Variants in TMEM117 observed in about 807,000 individuals in gnomAD.
TMEM117 encodes the protein transmembrane protein 117.
A neutral mutation model predicts 52.4 loss-of-function variants in TMEM117; 27 were observed. The ratio of observed to expected loss-of-function variants is 0.51; its 90% CI spans 0.38 to 0.71. The LOEUF (loss-of-function observed/expected upper bound fraction) is 0.71. Ranked by LOEUF, TMEM117 falls within the 30% of genes least tolerant of loss-of-function variation. The pLI is 0.00. For missense variants in TMEM117, 556 were observed against 630.5 expected (o/e 0.88, Z 1.26); for synonymous variants, 215 against 206.3 (o/e 1.04, Z -0.36).
intron 2 of TMEM117, among the ~76,000 whole-genome samples, chr12:43,879,394 C>T (rs1309090928): frequency 1.3e-5 from 2 of 152,204 alleles, no homozygotes; most frequent in Non-Finnish European, 2.9e-5. Flanking sequence ...ATATGCAACT[C>T]CATTGCTCCC....
chr12:44,240,990 C>G (rs1303081718), intron 5 of TMEM117, among the ~76,000 whole-genome samples: 2 of 151,878 alleles, frequency 1.3e-5, no homozygotes, highest in Non-Finnish European at 2.9e-5. Flanking sequence ...AGAGTCTTCC[C>G]TTGTTATCCG....
At chr12:44,035,842 A>C (rs1387124288) in intron 3 of TMEM117, among the ~76,000 whole-genome samples, 1 of 152,206 alleles carries the variant, frequency 6.6e-6, no homozygotes, top group Non-Finnish European at 1.5e-5. Flanking sequence ...CATTTGATTC[A>C]AGATGAAAAT....
intron 3 of TMEM117, among the ~76,000 whole-genome samples, chr12:44,120,190 T>C (rs1283278624): frequency 6.6e-6 from 1 of 152,058 alleles, no homozygotes; most frequent in South Asian, 2.1e-4. Flanking sequence ...TTTAGCTAAG[T>C]TGACAAAAAA....
intron 2 of TMEM117, among the ~76,000 whole-genome samples, chr12:43,897,760 C>A (rs528482231): frequency 8.1e-5 from 11 of 135,418 alleles, no homozygotes; most frequent in African/African-American, 2.9e-4. Context: ...GCGCGTGCCA[C>A]CATGCCCAGC....
intron 3 of TMEM117, among the ~76,000 whole-genome samples, chr12:44,002,807 C>T (rs1382030838): frequency 2.7e-5 from 4 of 148,328 alleles, no homozygotes; most frequent in Non-Finnish European, 5.9e-5. Context: ...GCAGCATGGA[C>T]GGAGAAGAGG....
chr12:44,292,095 C>T (rs1950712291), intron 5 of TMEM117, among the ~76,000 whole-genome samples: 1 of 151,860 alleles, frequency 6.6e-6, no homozygotes, highest in African/African-American at 2.4e-5. Context: ...ATATAATTCA[C>T]TTGTGAAGCT....
chr12:44,002,116 C>T (rs910296970), intron 3 of TMEM117, among the ~76,000 whole-genome samples: 2 of 152,118 alleles, frequency 1.3e-5, no homozygotes, highest in Non-Finnish European at 2.9e-5. Flanking sequence ...AGAGGAACAA[C>T]AACAAAAAGC....
At chr12:44,302,994 C>A (rs1950859824) in intron 6 of TMEM117, among the ~76,000 whole-genome samples, 1 of 151,778 alleles carries the variant, frequency 6.6e-6, no homozygotes, top group African/African-American at 2.4e-5. Context: ...GCAGTCGATC[C>A]TAGGTTCTCT....
intron 3 of TMEM117, among the ~76,000 whole-genome samples, chr12:44,071,773 A>G (rs1947306122): frequency 1.3e-5 from 2 of 152,194 alleles, no homozygotes; most frequent in African/African-American, 4.8e-5. Context: ...TGTATCCTAT[A>G]AATGGCATGT....
At chr12:44,071,378 G>A (rs1205019095) in intron 3 of TMEM117, among the ~76,000 whole-genome samples, 1 of 152,056 alleles carries the variant, frequency 6.6e-6, no homozygotes, top group Non-Finnish European at 1.5e-5. Context: ...ATGACCTAAG[G>A]CTCCAAAATG....
Position 44,045,319 on chromosome 12 carries a change from C to T in TMEM117, c.411-98206C>T, listed in dbSNP as rs191479291. On this transcript the variant is annotated intron_variant, in intron 3 of 7. Transcript: ENST00000266534. The stretch of plus-strand genomic sequence containing the variant: ...GAGCCCTTGATATGGCACCATTCTT[C>T]GGGGTGATCAGCCAGCTAGTTACCT... 6.7e-3 allele frequency among the ~76,000 whole-genome samples: 1,013 copies of T among 152,258 alleles called. 11 individuals carry two copies. The highest frequency in any genetic ancestry group is 0.023 in the African/African-American group (942 of 41,548).
At chr12:44,352,551 T>C (rs1373338543) in intron 6 of TMEM117, among the ~76,000 whole-genome samples, 4 of 152,054 alleles carry the variant, frequency 2.6e-5, no homozygotes, top group Non-Finnish European at 5.9e-5. Context: ...CAGTGTTTGG[T>C]TTTTTGTCCC....
At chr12:44,105,305 T>C (rs73288033) in intron 3 of TMEM117, among the ~76,000 whole-genome samples, 11,805 of 152,062 alleles carry the variant, frequency 0.078, 1,390 homozygotes, top group African/African-American at 0.26. Flanking sequence ...CTGGTTTTGA[T>C]CTCTAGAATT....
At chr12:44,251,833 G>A (rs1305550064) in intron 5 of TMEM117, among the ~76,000 whole-genome samples, 1 of 152,108 alleles carries the variant, frequency 6.6e-6, no homozygotes, top group Non-Finnish European at 1.5e-5. Context: ...AAAACATTCA[G>A]CATTAGCTTC....
At chr12:43,971,474 G>A (rs144714507) in intron 3 of TMEM117, among the ~76,000 whole-genome samples, 46 of 152,256 alleles carry the variant, frequency 3.0e-4, no homozygotes, top group Admixed American at 4.6e-4. Flanking sequence ...TTAGTTCTAT[G>A]AAGAGGACTT....
intron 6 of TMEM117, among the ~76,000 whole-genome samples, chr12:44,317,772 C>A (rs1625442): frequency 6.6e-6 from 1 of 151,982 alleles, no homozygotes; most frequent in East Asian, 1.9e-4. Flanking sequence ...CCAACGTGAA[C>A]GGGTATATAT....
chr12:43,866,642 C>A (rs1384918017), intron 2 of TMEM117, among the ~76,000 whole-genome samples: 1 of 152,126 alleles, frequency 6.6e-6, no homozygotes, highest in African/African-American at 2.4e-5. Context: ...TATAGCAGAC[C>A]TGCTCTACAA....
At chr12:43,970,389 T>C (rs528096205) in intron 3 of TMEM117, among the ~76,000 whole-genome samples, 12 of 152,034 alleles carry the variant, frequency 7.9e-5, no homozygotes, top group Admixed American at 1.3e-4. Flanking sequence ...CCTGGGTTCA[T>C]GCCATTCTCC....
chr12:44,140,309 T>C (rs1024660854), intron 3 of TMEM117, among the ~76,000 whole-genome samples: 4 of 152,082 alleles, frequency 2.6e-5, no homozygotes, highest in African/African-American at 9.7e-5. Context: ...CATGGAAAAG[T>C]TTTTCATGAT....
Sources: allele counts gnomAD v4.1 joint callset (sites outside exome capture counted in the v4.1 genomes callset), GRCh38; gene constraint gnomAD v4.1.1; transcripts MANE v1.5; gene names NCBI Gene and HGNC (gene_info 2026-07-23, HGNC 2026-07-21).